Variants in MMP26 observed in about 807,000 individuals in gnomAD.
MMP26 encodes matrix metallopeptidase 26.
A neutral mutation model predicts 31.0 loss-of-function variants in MMP26; 33 were observed. The observed-to-expected ratio is 1.06, with a 90% confidence interval of 0.81 to 1.42. The LOEUF is 1.42. MMP26 is among the 40% of genes most tolerant of loss of function. MMP26 has a pLI of 0.00. For missense variants in MMP26, 347 were observed against 316.1 expected (o/e 1.10, Z -0.74); for synonymous variants, 122 against 114.9 (o/e 1.06, Z -0.40).
intron 2 of MMP26, among the ~76,000 whole-genome samples, chr11:4,925,524 A>G (rs1257844476): frequency 6.6e-6 from 1 of 152,094 alleles, no homozygotes; most frequent in Non-Finnish European, 1.5e-5. Flanking sequence ...AGAGGATATT[A>G]TATGTAGCGA....
chr11:4,908,371 C>T (rs755481893), intron 2 of MMP26: 2 of 1,354,832 alleles, frequency 1.5e-6, no homozygotes, highest in East Asian at 4.6e-5. Context: ...TTGCTATGTG[C>T]TTAATGCCAT....
intron 2 of MMP26, among the ~76,000 whole-genome samples, chr11:4,977,806 T>C (rs1034417248): frequency 9.9e-5 from 15 of 152,122 alleles, no homozygotes; most frequent in African/African-American, 2.9e-4. Context: ...CTCTACTATC[T>C]AGCTTAGATT....
intron 2 of MMP26, among the ~76,000 whole-genome samples, chr11:4,768,824 T>C (rs933322324): frequency 2.6e-5 from 4 of 152,242 alleles, no homozygotes; most frequent in African/African-American, 9.6e-5. Flanking sequence ...ATCATACTTA[T>C]ATTTTATGAC....
At chr11:4,919,997 T>A (rs1307462576) in intron 2 of MMP26, among the ~76,000 whole-genome samples, 1 of 151,902 alleles carries the variant, frequency 6.6e-6, no homozygotes, top group Non-Finnish European at 1.5e-5. Flanking sequence ...GATGAGCCCC[T>A]GCAAAAGGTA....
intron 2 of MMP26, among the ~76,000 whole-genome samples, chr11:4,934,798 A>G (rs1851408990): frequency 6.7e-6 from 1 of 150,368 alleles, no homozygotes; most frequent in Non-Finnish European, 1.5e-5. Context: ...ACATATGGCT[A>G]GCCAGTTTTC....
chr11:4,907,839 T>C (rs1850924837), intron 2 of MMP26: 2 of 1,613,650 alleles, frequency 1.2e-6, no homozygotes. Context: ...CTCTTAGTGA[T>C]TCCATTTCCC....
intron 2 of MMP26, among the ~76,000 whole-genome samples, chr11:4,817,221 G>A (rs1185420716): frequency 6.6e-6 from 1 of 152,124 alleles, no homozygotes; most frequent in Admixed American, 6.5e-5. Flanking sequence ...TGGGAAAGGA[G>A]AGGGAAGAGA....
At chr11:4,728,160 G>A (rs912964941) in intron 1 of MMP26, among the ~76,000 whole-genome samples, 1 of 152,142 alleles carries the variant, frequency 6.6e-6, no homozygotes. Context: ...AGTCACAATT[G>A]GATTTTCACA....
chr11:4,941,760 T>C (rs142028148), intron 2 of MMP26, among the ~76,000 whole-genome samples: 11 of 151,314 alleles, frequency 7.3e-5, no homozygotes, highest in Non-Finnish European at 1.3e-4. Flanking sequence ...AAAATAGAAA[T>C]AAGCAAACTG....
At chr11:4,846,923 A>AG (rs1192402811) in intron 2 of MMP26, among the ~76,000 whole-genome samples, 3 of 152,186 alleles carry the variant, frequency 2.0e-5, no homozygotes, top group African/African-American at 7.2e-5. Flanking sequence ...ACTGGTCAGT[A>AG]GGTTGTCAGA....
chr11:4,736,008 A>C (rs1030644079), intron 1 of MMP26, among the ~76,000 whole-genome samples: 1 of 152,122 alleles, frequency 6.6e-6, no homozygotes, highest in Non-Finnish European at 1.5e-5. Flanking sequence ...ATTAAATATA[A>C]AGAATAAATT....
At chr11:4,917,513 G>A (rs1167428357) in intron 2 of MMP26, among the ~76,000 whole-genome samples, 1 of 152,118 alleles carries the variant, frequency 6.6e-6, no homozygotes, top group African/African-American at 2.4e-5. Flanking sequence ...CACACATAAA[G>A]ATATACACAG....
intron 2 of MMP26, among the ~76,000 whole-genome samples, chr11:4,971,151 A>G (rs1020992885): frequency 2.4e-4 from 37 of 152,236 alleles, no homozygotes; most frequent in African/African-American, 8.2e-4. Flanking sequence ...CCAAAAGTTG[A>G]GGAATAATCC....
At chr11:4,723,928 G>A (rs1848058994) in intron 1 of MMP26, 2 of 883,706 alleles carry the variant, frequency 2.3e-6, no homozygotes, top group Middle Eastern at 2.6e-4. Flanking sequence ...CTGGATGTTG[G>A]GATCTACCTC....
At chr11:4,731,406 T>C (rs759362320) in intron 1 of MMP26, among the ~76,000 whole-genome samples, 9 of 152,204 alleles carry the variant, frequency 5.9e-5, no homozygotes, top group Non-Finnish European at 1.0e-4. Context: ...TCCCATTAAA[T>C]GTATAGCTCA....
chr11:4,809,643 T>A (rs1343859859), intron 2 of MMP26, among the ~76,000 whole-genome samples: 1 of 152,158 alleles, frequency 6.6e-6, no homozygotes, highest in East Asian at 1.9e-4. Flanking sequence ...TGGAGCAGTG[T>A]GGGGTTCAGA....
At chr11:4,710,445 A>G (rs1007855311) in intron 1 of MMP26, 2 of 456,634 alleles carry the variant, frequency 4.4e-6, no homozygotes, top group Non-Finnish European at 8.8e-6. Flanking sequence ...GAATCCCATA[A>G]TCTACAGTGT....
At chr11:4,991,606 G>A in intron 6 of MMP26, 110 bp downstream of exon 6, 1 of 1,380,004 alleles carries the variant, frequency 7.2e-7, no homozygotes, top group Non-Finnish European at 9.8e-7. Flanking sequence ...GGAAGATTTG[G>A]CTGAGGAATC....
At chr11:4,858,064 TG>T (rs1850083205) in intron 2 of MMP26, among the ~76,000 whole-genome samples, 1 of 152,146 alleles carries the variant, frequency 6.6e-6, no homozygotes. Flanking sequence ...TAGGTGTCGA[TG>T]GGACGTATCT....
Sources: gnomAD v4.1 joint callset for allele counts (sites outside exome capture counted in the v4.1 genomes callset) on GRCh38, gnomAD v4.1.1 for gene constraint, MANE v1.5 for transcripts, NCBI Gene and HGNC (gene_info 2026-07-23, HGNC 2026-07-21) for gene names.